ZDHHC3: variants seen among roughly 807,000 people sequenced by gnomAD.
ZDHHC3 encodes the protein zDHHC palmitoyltransferase 3, also known as palmitoyltransferase ZDHHC3.
Under a neutral mutation model 30.6 loss-of-function variants are expected in ZDHHC3, and 9 were observed. The ratio of observed to expected loss-of-function variants is 0.29; its 90% confidence interval spans 0.18 to 0.51. The LOEUF (loss-of-function observed/expected upper bound fraction) is 0.51, where lower values mean the gene tolerates loss of function less well. Among genes scored for constraint, ZDHHC3 ranks in the 20% least tolerant of loss-of-function variants. The pLI, the probability that ZDHHC3 is intolerant of heterozygous loss-of-function variation, is 0.97. For synonymous variants in ZDHHC3, 136 were observed against 140.2 expected (o/e 0.97, Z 0.21); for missense variants, 246 against 384.2 (o/e 0.64, Z 3.01).
intron 1 of ZDHHC3, among the ~76,000 whole-genome samples, chr3:44,967,220 A>G (rs78100476): frequency 0.023 from 3,488 of 152,344 alleles, 104 homozygotes; most frequent in African/African-American, 0.077. Context: ...CCACCTTCTT[A>G]CAAAACCCAT....
chr3:44,976,092 C>A lies in ZDHHC3; in HGVS notation c.-184G>T. ...GCGGCTCTCTGGACTCGGCCAGACA[C>A]CGGGCGGCGCGCAGGAGAAGCCCAT... is the stretch of plus-strand genomic sequence containing the variant. On this transcript the variant is annotated 5_prime_UTR_variant, in exon 1 of 7. Transcript: ENST00000424952. 3 of 447,924 alleles carry A rather than the reference C, an allele frequency of 6.7e-6. No individual in the cohort carries two copies. The highest frequency in any genetic ancestry group is 1.1e-5 in the Non-Finnish European group (3 of 262,368). 27.7% of individuals were successfully genotyped at this position (447,924 alleles called of 1,614,324 possible).
intron 2 of ZDHHC3, among the ~76,000 whole-genome samples, chr3:44,955,457 T>TTATATATATATA (rs150337679): frequency 5.6e-4 from 80 of 143,962 alleles, no homozygotes; most frequent in Middle Eastern, 3.6e-3. Context: ...CACAAGGTTT[T>TTATATATATATA]TATATATATA....
At chr3:44,933,084 T>C (rs748445513) in intron 5 of ZDHHC3, 34 bp downstream of exon 5, 3 of 1,613,346 alleles carry the variant, frequency 1.9e-6, no homozygotes, top group Admixed American at 1.7e-5. Context: ...ACACCCACCC[T>C]GGAGCAGGGA....
At chr3:44,970,440 C>T (rs1372203173) in intron 1 of ZDHHC3, among the ~76,000 whole-genome samples, 2 of 152,236 alleles carry the variant, frequency 1.3e-5, no homozygotes, top group African/African-American at 4.8e-5. Context: ...CTCATGATCT[C>T]AGGCAAGACA....
At chr3:44,935,960 CA>C (rs1701926779) in intron 3 of ZDHHC3, among the ~76,000 whole-genome samples, 1 of 152,152 alleles carries the variant, frequency 6.6e-6, no homozygotes, top group Non-Finnish European at 1.5e-5. Flanking sequence ...GCAAAGATTT[CA>C]TGACAAAGAT....
Position 44,916,715 on chromosome 3 carries a change from A to G in ZDHHC3, c.*9974T>C, listed in dbSNP as rs564265751. The G allele has an allele frequency of 1.3e-5, 2 of 152,364 alleles. No individual in the cohort carries two copies. The highest frequency in any genetic ancestry group is 4.8e-5 in the African/African-American group (2 of 41,582). 9.4% of individuals were successfully genotyped at this position (152,364 alleles called of 1,614,324 possible). On this transcript the variant is annotated 3_prime_UTR_variant, in exon 7 of 7. Transcript: ENST00000424952. ...TTTGTGCAGAAGATGCTGCTTCAGC[A>G]ACCACTGGAATGGGGTTTAGGAGCA...
In ZDHHC3 at chr3:44,924,654, C is replaced by T. The variant is rs1700841732; in HGVS notation, c.*2035G>A. ...CTAACCTGGCTCACTTTAAAAAATG[C>T]CCTGGAAGATGGAGTATTACCAATC... On this transcript the variant is annotated 3_prime_UTR_variant, in exon 7 of 7. Coordinates refer to ENST00000424952, the MANE Select transcript of ZDHHC3 (RefSeq NM_001135179.2). 1.0e-6 allele frequency: 1 copy of T among 985,430 alleles called. No individual in the cohort carries two copies. The highest frequency in any genetic ancestry group is 1.2e-6 in the Non-Finnish European group (1 of 829,928). The allele number at this position is 985,430 out of a possible 1,614,324, so 61.0% of individuals were successfully genotyped here.
rs1700350090 is a variant in ZDHHC3, at chr3:44,918,355, C to T, written c.*8334G>A. 1.6e-5 allele frequency: 16 copies of T among 985,220 alleles called. No homozygotes were observed. The highest frequency in any genetic ancestry group is 1.8e-5 in the Non-Finnish European group (15 of 829,914). 61.0% of individuals were successfully genotyped at this position (985,220 alleles called of 1,614,324 possible). On this transcript the variant is annotated 3_prime_UTR_variant, in exon 7 of 7. Transcript: ENST00000424952. ...CTGCTGGGGTGTGGGTGGACAGCAG[C>T]GTGGAGGAACACAGCAAGCAGGGCC... is the stretch of plus-strand genomic sequence containing the variant.
At position 44,918,238 on chromosome 3, in the gene ZDHHC3, G is replaced by T. The variant is rs895528093; in HGVS notation, c.*8451C>A. On this transcript the variant is annotated 3_prime_UTR_variant, in exon 7 of 7. Coordinates refer to ENST00000424952, the MANE Select transcript of ZDHHC3 (RefSeq NM_001135179.2). ...CAGCTATAGCATAGCAGTGGCGGGGGGGGGGGCGGGGTGTCCACGGCATGG... is the reference window on the plus strand; with the variant it reads ...CAGCTATAGCATAGCAGTGGCGGGGTGGGGGGCGGGGTGTCCACGGCATGG... 1.9e-5 allele frequency: 23 copies of T among 1,215,762 alleles called. No homozygotes were observed. The highest frequency in any genetic ancestry group is 5.8e-5 in the East Asian group (1 of 17,290). 75.3% of individuals were successfully genotyped at this position (1,215,762 alleles called of 1,614,324 possible).
chr3:44,942,380 C>A (rs1702517408), intron 3 of ZDHHC3, among the ~76,000 whole-genome samples: 1 of 152,212 alleles, frequency 6.6e-6, no homozygotes, highest in Non-Finnish European at 1.5e-5. Context: ...CAGGAACAGG[C>A]AACTCTACAG....
In ZDHHC3 at chr3:44,976,128, C is replaced by G. The variant is rs894652083; in HGVS notation, c.-220G>C. The G allele has an allele frequency of 1.1e-5, 6 of 547,864 alleles. No individual in the cohort carries two copies. The South Asian group carries it at 1.2e-4, about 11-fold the overall frequency. 33.9% of individuals were successfully genotyped at this position (547,864 alleles called of 1,614,324 possible). On this transcript the variant is annotated 5_prime_UTR_variant, in exon 1 of 7. Coordinates refer to ENST00000424952, the MANE Select transcript of ZDHHC3 (RefSeq NM_001135179.2). ...GCAGGAGAAGCCCATCGAGCTCTCC[C>G]GGCAGTGGCGGCGGCCGCGGCTGCA...
At chr3:44,948,273 G>A (rs1190369623) in intron 2 of ZDHHC3, among the ~76,000 whole-genome samples, 1 of 152,202 alleles carries the variant, frequency 6.6e-6, no homozygotes, top group Non-Finnish European at 1.5e-5. Context: ...GGTTCCCAGG[G>A]CAGAAGGGAT....
chr3:44,968,622 G>A (rs1553694809), intron 1 of ZDHHC3, among the ~76,000 whole-genome samples: 1 of 152,226 alleles, frequency 6.6e-6, no homozygotes, highest in Non-Finnish European at 1.5e-5. Flanking sequence ...CCTGAGCCCA[G>A]AAGGTTGAGG....
Position 44,917,920 on chromosome 3 carries a change from T to C in ZDHHC3, c.*8769A>G, listed in dbSNP as rs937990122. The C allele has an allele frequency of 6.9e-6, 9 of 1,304,402 alleles. No individual in the cohort carries two copies. The highest frequency in any genetic ancestry group is 9.1e-6 in the Non-Finnish European group (9 of 988,964). 80.8% of individuals were successfully genotyped at this position (1,304,402 alleles called of 1,614,324 possible). ...CTATTCATCTGTCACCTCCACAGAG[T>C]CCTCGTCCTTTGTCTCCTCTGATGG... is the stretch of plus-strand genomic sequence containing the variant. On this transcript the variant is annotated 3_prime_UTR_variant, in exon 7 of 7. Transcript: ENST00000424952.
chr3:44,946,771 A>G (rs1702976198), intron 2 of ZDHHC3, among the ~76,000 whole-genome samples: 1 of 152,144 alleles, frequency 6.6e-6, no homozygotes, highest in East Asian at 1.9e-4. Flanking sequence ...GACAGGGAGA[A>G]TATCAGTGTG....
At chr3:44,956,674 T>A (rs1466204783) in intron 2 of ZDHHC3, among the ~76,000 whole-genome samples, 3 of 152,032 alleles carry the variant, frequency 2.0e-5, no homozygotes, top group Non-Finnish European at 4.4e-5. Flanking sequence ...TAAAACAGAC[T>A]CCAAATCCAA....
Position 44,917,532 on chromosome 3 carries a change from C to G in ZDHHC3, c.*9157G>C, listed in dbSNP as rs984042792. On this transcript the variant is annotated 3_prime_UTR_variant, in exon 7 of 7. Coordinates refer to ENST00000424952, the MANE Select transcript of ZDHHC3 (RefSeq NM_001135179.2). ...AGAAGACAGAAATCCTGGGGAAAGC[C>G]AAAGGCAAGCTCTTTTCTGCCCCTG... is the stretch of plus-strand genomic sequence containing the variant. The G allele has an allele frequency of 6.0e-4, 128 of 214,630 alleles. 1 individual carries two copies. Among genetic ancestry groups the G allele is most frequent in the Non-Finnish European group, 9.2e-4 (97 of 105,460 alleles). 13.3% of individuals were successfully genotyped at this position (214,630 alleles called of 1,614,324 possible).
intron 4 of ZDHHC3, among the ~76,000 whole-genome samples, 197 bp downstream of exon 4, chr3:44,933,691 C>A (rs931371662): frequency 6.6e-6 from 1 of 152,156 alleles, no homozygotes; most frequent in African/African-American, 2.4e-5. Flanking sequence ...CAACTGAAAT[C>A]AATTTTCTAA....
Position 44,924,288 on chromosome 3 carries a change from T to G in ZDHHC3, c.*2401A>C. ...GGAAGCCAGGCTGGGAACCAATCAC[T>G]ACCCTGCAAATGATGGCTACATTCC... On this transcript the variant is annotated 3_prime_UTR_variant, in exon 7 of 7. Transcript: ENST00000424952. 2 of 985,450 alleles carry G rather than the reference T, an allele frequency of 2.0e-6. No individual in the cohort carries two copies. The highest frequency in any genetic ancestry group is 1.7e-5 in the African/African-American group (1 of 57,358). 61.0% of individuals were successfully genotyped at this position (985,450 alleles called of 1,614,324 possible). A position where few individuals can be genotyped will look rare whatever the true frequency, so the allele number is the denominator to read the frequency against.
Sources: allele counts gnomAD v4.1 joint callset (sites outside exome capture counted in the v4.1 genomes callset), GRCh38; gene constraint gnomAD v4.1.1; transcripts MANE v1.5; gene names NCBI Gene and HGNC (gene_info 2026-07-23, HGNC 2026-07-21).